RBFOX3: variants seen among roughly 807,000 people sequenced by gnomAD.
The protein encoded by RBFOX3 is RNA binding protein fox-1 homolog 3.
Under a neutral mutation model 48.7 loss-of-function variants are expected in RBFOX3, and 17 were observed. The observed-to-expected ratio is 0.35, with a 90% CI of 0.24 to 0.52. RBFOX3 has a LOEUF of 0.52. Ranked by LOEUF, RBFOX3 falls within the 20% of genes least tolerant of loss-of-function variation. RBFOX3 has a pLI of 0.94. For synonymous variants in RBFOX3, 212 were observed against 209.5 expected (o/e 1.01, Z -0.10); for missense variants, 382 against 497.5 (o/e 0.77, Z 2.21).
intron 1 of RBFOX3, among the ~76,000 whole-genome samples, chr17:79,584,316 T>C (rs1215571670): frequency 6.6e-6 from 1 of 152,220 alleles, no homozygotes; most frequent in Admixed American, 6.5e-5. Context: ...ACAGCCACTA[T>C]GGAAAACAGT....
chr17:79,616,567 GTCTC>G, the RBFOX3 span, among the ~76,000 whole-genome samples: 3 of 99,510 alleles, frequency 3.0e-5, no homozygotes, highest in African/African-American at 1.1e-4. Flanking sequence ...GGATCTCTCT[GTCTC>G]TCTCTATACA....
chr17:79,641,809 C>T, the RBFOX3 span, among the ~76,000 whole-genome samples: 1 of 152,132 alleles, frequency 6.6e-6, no homozygotes, highest in Admixed American at 6.5e-5. Context: ...TCCCTTGGTG[C>T]TGTTGTGCTG....
intron 1 of RBFOX3, among the ~76,000 whole-genome samples, chr17:79,545,854 C>T (rs968108517): frequency 2.1e-4 from 32 of 152,236 alleles, no homozygotes; most frequent in African/African-American, 7.5e-4. Flanking sequence ...CCAGCTCACT[C>T]GGCTCACTCC....
rs140097286 is a variant in RBFOX3, at chr17:79,261,143, C to T, written c.-73-25338G>A. Among the ~76,000 whole-genome samples, 10 of 152,258 alleles carry T rather than the reference C, an allele frequency of 6.6e-5. No individual in the cohort carries two copies. In the East Asian group the frequency reaches 1.9e-3, roughly 30 times the overall value. ...AGTTCCCACCCCACGGCGTTCGCTCCTCGAGCCCCCTACAAACATACTCAT... is the reference window on the plus strand; with the variant it reads ...AGTTCCCACCCCACGGCGTTCGCTCTTCGAGCCCCCTACAAACATACTCAT... On this transcript the variant is annotated intron_variant, in intron 3 of 14. Transcript: ENST00000693108.
rs1568100976 is a variant in RBFOX3, at chr17:79,356,365, T to TG, written c.-174-48542_-174-48541insC. Reference sequence around the variant, plus strand: ...ACAGGGAAGTTTTTTTTTTTTTTTTTTTTTTTTTTTTTTTTTTTTTTGAGG... The same window carrying TG: ...ACAGGGAAGTTTTTTTTTTTTTTTTTGTTTTTTTTTTTTTTTTTTTTTGAGG... On this transcript the variant is annotated intron_variant, in intron 2 of 14. Coordinates refer to ENST00000693108, the MANE Select transcript of RBFOX3 (RefSeq NM_001350451.2). Among the ~76,000 whole-genome samples, 634 of 108,286 alleles carry TG rather than the reference T, an allele frequency of 5.9e-3. 44 individuals are homozygous for TG. The highest frequency in any genetic ancestry group is 0.011 in the South Asian group (30 of 2,752). The allele number at this position is 108,286 out of a possible 152,430, so 71.0% of individuals were successfully genotyped here. A position where few individuals can be genotyped will look rare whatever the true frequency, so the allele number is the denominator to read the frequency against.
the RBFOX3 span, among the ~76,000 whole-genome samples, chr17:79,650,191 A>G: frequency 7.1e-3 from 1,088 of 152,266 alleles, 8 homozygotes; most frequent in Non-Finnish European, 0.012. Flanking sequence ...ATTATCCCCA[A>G]CTAAACTGGG....
the RBFOX3 span, among the ~76,000 whole-genome samples, chr17:79,620,587 A>ACGCACG: frequency 5.5e-5 from 2 of 36,564 alleles, no homozygotes; most frequent in Non-Finnish European, 1.8e-4. Flanking sequence ...ACACGCACGC[A>ACGCACG]CACACACGCA....
At chr17:79,588,360 G>A (rs1458476678) in intron 1 of RBFOX3, among the ~76,000 whole-genome samples, 1 of 152,138 alleles carries the variant, frequency 6.6e-6, no homozygotes, top group Non-Finnish European at 1.5e-5. Context: ...GACATTCTGG[G>A]CTTCATCCCA....
In RBFOX3 at chr17:79,509,179, G is replaced by A. The variant is rs1313519455; in HGVS notation, c.-319-26581C>T. ...CCCCCATGAGGTTGTGGAGGGATCCGGGCAAGGGGCTGCAGAGCCGGGACA... is the reference window on the plus strand; with the variant it reads ...CCCCCATGAGGTTGTGGAGGGATCCAGGCAAGGGGCTGCAGAGCCGGGACA... On this transcript the variant is annotated intron_variant, in intron 1 of 14. Coordinates refer to ENST00000693108, the MANE Select transcript of RBFOX3 (RefSeq NM_001350451.2). Among the ~76,000 whole-genome samples the A allele has an allele frequency of 7.2e-5, 11 of 152,298 alleles. No homozygotes were observed. In the East Asian group the frequency reaches 1.6e-3, roughly 21 times the overall value.
intron 1 of RBFOX3, chr17:79,600,773 C>T (rs1242658544): frequency 6.6e-6 from 1 of 152,262 alleles, no homozygotes; most frequent in East Asian, 1.9e-4. Flanking sequence ...CTCTTCACGA[C>T]ACTGCTCTCC....
At chr17:79,499,444 T>C (rs2082093930) in intron 1 of RBFOX3, among the ~76,000 whole-genome samples, 3 of 152,032 alleles carry the variant, frequency 2.0e-5, no homozygotes, top group African/African-American at 7.2e-5. Context: ...TATTCATCCA[T>C]CCATCCATCT....
At chr17:79,342,355 G>T (rs1259139229) in intron 2 of RBFOX3, among the ~76,000 whole-genome samples, 1 of 152,176 alleles carries the variant, frequency 6.6e-6, no homozygotes, top group Non-Finnish European at 1.5e-5. Flanking sequence ...GGCATTTGTT[G>T]TTTTTTTCTC....
chr17:79,416,087 G>A (rs568978404), intron 2 of RBFOX3, among the ~76,000 whole-genome samples: 14 of 152,296 alleles, frequency 9.2e-5, no homozygotes, highest in African/African-American at 2.4e-4. Flanking sequence ...GTGGTGCAAC[G>A]GAGTCCTTCC....
intron 1 of RBFOX3, among the ~76,000 whole-genome samples, chr17:79,582,679 C>T (rs2093111928): frequency 6.6e-6 from 1 of 151,188 alleles, no homozygotes; most frequent in African/African-American, 2.4e-5. Context: ...TGCCTGTAGT[C>T]CCAGCTATGT....
At chr17:79,397,156 T>A (rs756417711) in intron 2 of RBFOX3, among the ~76,000 whole-genome samples, 2 of 152,150 alleles carry the variant, frequency 1.3e-5, no homozygotes, top group African/African-American at 2.4e-5. Context: ...TGCCATAGCA[T>A]CACTATTTAC....
At chr17:79,245,828 T>C (rs986513943) in intron 3 of RBFOX3, among the ~76,000 whole-genome samples, 1 of 152,118 alleles carries the variant, frequency 6.6e-6, no homozygotes, top group African/African-American at 2.4e-5. Context: ...GGTTTCACCA[T>C]GTTGCCCAGG....
intron 3 of RBFOX3, among the ~76,000 whole-genome samples, chr17:79,275,496 C>T (rs2068620174): frequency 6.6e-6 from 1 of 152,188 alleles, no homozygotes; most frequent in Non-Finnish European, 1.5e-5. Context: ...AGCTCAGGGC[C>T]ACCCACATCC....
At chr17:79,175,902 G>A (rs903341018) in intron 4 of RBFOX3, among the ~76,000 whole-genome samples, 15 of 152,210 alleles carry the variant, frequency 9.9e-5, no homozygotes, top group African/African-American at 3.1e-4. Flanking sequence ...AGGGCAAGAC[G>A]GCTGGTGGAC....
chr17:79,658,397 C>T, the RBFOX3 span, among the ~76,000 whole-genome samples: 35 of 135,516 alleles, frequency 2.6e-4, no homozygotes, highest in African/African-American at 9.8e-4. Context: ...ACCCCTCCCT[C>T]TCTCCCTCTC....
Sources: gnomAD v4.1 joint callset for allele counts (sites outside exome capture counted in the v4.1 genomes callset) on GRCh38, gnomAD v4.1.1 for gene constraint, MANE v1.5 for transcripts, NCBI Gene and HGNC (gene_info 2026-07-23, HGNC 2026-07-21) for gene names.